TULP4: variants seen among roughly 807,000 people sequenced by gnomAD.
TULP4 encodes TUB like protein 4.
Under a neutral mutation model 129.0 loss-of-function variants are expected in TULP4, and 16 were observed. The ratio of observed to expected loss-of-function variants is 0.12; its 90% CI spans 0.08 to 0.19. The LOEUF (loss-of-function observed/expected upper bound fraction) is 0.19, where lower values mean the gene tolerates loss of function less well. Ranked by LOEUF, TULP4 falls within the 10% of genes least tolerant of loss-of-function variation. The pLI, the probability that TULP4 is intolerant of heterozygous loss-of-function variation, is 1.00. For synonymous variants in TULP4, 998 were observed against 854.0 expected, an observed-to-expected ratio of 1.17 and a Z score of -2.94; for missense variants, 1,842 against 2,059.1, an observed-to-expected ratio of 0.89 and a Z score of 2.04.
chr6:158,345,604 A>G (rs984151642), intron 1 of TULP4, among the ~76,000 whole-genome samples: 1 of 152,246 alleles, frequency 6.6e-6, no homozygotes, highest in African/African-American at 2.4e-5. Flanking sequence ...GTGTAAGAAC[A>G]GGGAGTAGGT....
chr6:158,435,163 C>T (rs887674749), intron 3 of TULP4, among the ~76,000 whole-genome samples: 4 of 152,180 alleles, frequency 2.6e-5, no homozygotes, highest in South Asian at 2.1e-4. Flanking sequence ...AATTTCAAGG[C>T]GTTAAAGCTT....
intron 4 of TULP4, among the ~76,000 whole-genome samples, chr6:158,449,528 G>C (rs959787280): frequency 3.3e-5 from 5 of 152,162 alleles, no homozygotes; most frequent in Admixed American, 6.5e-5. Context: ...GAAAAATGCT[G>C]TGCTATTATT....
chr6:158,287,923 T>A (rs74408003), intron 1 of TULP4, among the ~76,000 whole-genome samples: 2,893 of 152,228 alleles, frequency 0.019, 45 homozygotes, highest in Middle Eastern at 0.031. Flanking sequence ...AAGTGACTGT[T>A]TTTAAAGTGG....
At chr6:158,468,863 G>A (rs895207698) in intron 6 of TULP4, among the ~76,000 whole-genome samples, 6 of 152,160 alleles carry the variant, frequency 3.9e-5, no homozygotes, top group Non-Finnish European at 7.4e-5. Flanking sequence ...GCAGGGAGGC[G>A]CCTCCCTTTA....
intron 7 of TULP4, 26 bp downstream of exon 7, chr6:158,480,001 C>T (rs373409044): frequency 3.9e-6 from 6 of 1,543,122 alleles, no homozygotes; most frequent in Middle Eastern, 2.3e-4. Flanking sequence ...CCTCCCTCTT[C>T]CTCCTCCCTC....
At chr6:158,296,546 G>A (rs1366847939) in intron 1 of TULP4, among the ~76,000 whole-genome samples, 1 of 151,992 alleles carries the variant, frequency 6.6e-6, no homozygotes, top group Non-Finnish European at 1.5e-5. Context: ...CTACTGATAA[G>A]GGTCTAACAA....
At chr6:158,282,230 G>A (rs1014403091), upstream of TULP4, 1 of 151,820 alleles carries the variant, frequency 6.6e-6, no homozygotes. Context: ...ACCTTTTCTC[G>A]CTAACCCTAG....
chr6:158,355,550 G>A (rs549652573), intron 1 of TULP4, among the ~76,000 whole-genome samples: 1 of 152,320 alleles, frequency 6.6e-6, no homozygotes, highest in South Asian at 2.1e-4. Flanking sequence ...CATGTGTAGT[G>A]TAGGTTCTGA....
intron 1 of TULP4, among the ~76,000 whole-genome samples, chr6:158,355,161 T>C (rs556964345): frequency 9.2e-5 from 14 of 151,370 alleles, no homozygotes; most frequent in Non-Finnish European, 1.8e-4. Flanking sequence ...AACCTAGAAC[T>C]CCTGGGCCCA....
chr6:158,373,323 C>T (rs1229156949), intron 1 of TULP4, among the ~76,000 whole-genome samples: 1 of 152,212 alleles, frequency 6.6e-6, no homozygotes, highest in Non-Finnish European at 1.5e-5. Context: ...GACTTGCTCC[C>T]ACTGCACTTG....
At chr6:158,472,603 A>C (rs1470670082) in intron 6 of TULP4, among the ~76,000 whole-genome samples, 1 of 152,214 alleles carries the variant, frequency 6.6e-6, no homozygotes, top group Non-Finnish European at 1.5e-5. Context: ...GTCCAAAGGC[A>C]GGGACATTTT....
intron 1 of TULP4, 77 bp from the exon 2 acceptor site, chr6:158,412,988 G>A: frequency 6.5e-7 from 1 of 1,541,302 alleles, no homozygotes; most frequent in Non-Finnish European, 8.8e-7. Flanking sequence ...ATTAGTTCAA[G>A]TCTGATCACA....
intron 3 of TULP4, among the ~76,000 whole-genome samples, chr6:158,442,091 A>T (rs1778910156): frequency 6.6e-6 from 1 of 151,902 alleles, no homozygotes; most frequent in Non-Finnish European, 1.5e-5. Flanking sequence ...TATGGATTAA[A>T]TTTTGTCCTT....
chr6:158,257,062 G>A (rs1019248219), intron 1 of TULP4, among the ~76,000 whole-genome samples: 6 of 152,270 alleles, frequency 3.9e-5, no homozygotes, highest in East Asian at 1.9e-4. Flanking sequence ...AATTAGTAAT[G>A]TTAAGACCGT....
At chr6:158,274,720 T>C (rs993651616) in intron 1 of TULP4, among the ~76,000 whole-genome samples, 1 of 152,148 alleles carries the variant, frequency 6.6e-6, no homozygotes, top group East Asian at 1.9e-4. Context: ...GAGCTTGCAG[T>C]GAGCCGAGAT....
chr6:158,267,617 A>C (rs28396628), intron 1 of TULP4, among the ~76,000 whole-genome samples: 9 of 152,200 alleles, frequency 5.9e-5, no homozygotes, highest in Admixed American at 5.2e-4. Flanking sequence ...AATAATTAGG[A>C]GGGTCACTGC....
Position 158,398,816 on chromosome 6 carries a change from A to G in TULP4, c.253-14249A>G, listed in dbSNP as rs367545800. Among the ~76,000 whole-genome samples the G allele has an allele frequency of 3.8e-4, 58 of 152,316 alleles. 1 individual carries two copies. The highest frequency in any genetic ancestry group is 1.4e-3 in the African/African-American group (57 of 41,574). On this transcript the variant is annotated intron_variant, in intron 1 of 13. Transcript: ENST00000367097. The stretch of plus-strand genomic sequence containing the variant: ...ATGCCTTGACAAAATTACAAAACCA[A>G]TGTGACCTCTCAGTGTACTGGTATT...
chr6:158,401,050 T>TTG (rs1562551078), intron 1 of TULP4, among the ~76,000 whole-genome samples: 1,622 of 147,190 alleles, frequency 0.011, 16 homozygotes, highest in African/African-American at 0.023. Flanking sequence ...GTTTGGGTTT[T>TTG]TTGTTGTTGT....
At chr6:158,475,157 G>C (rs997134616) in intron 6 of TULP4, among the ~76,000 whole-genome samples, 1 of 152,256 alleles carries the variant, frequency 6.6e-6, no homozygotes, top group Admixed American at 6.5e-5. Flanking sequence ...CACACTCCCT[G>C]GTGGGAGGTG....
Sources: allele counts gnomAD v4.1 joint callset (sites outside exome capture counted in the v4.1 genomes callset), GRCh38; gene constraint gnomAD v4.1.1; transcripts MANE v1.5; gene names NCBI Gene and HGNC (gene_info 2026-07-23, HGNC 2026-07-21).